The following MTOR variants were observed in gnomAD, a reference collection of about 807,000 sequenced individuals.
MTOR encodes the protein mechanistic target of rapamycin kinase.
In MTOR, 70 loss-of-function variants were observed where a neutral mutation model predicts 319.8. The observed-to-expected ratio is 0.22, with a 90% CI of 0.18 to 0.27. The LOEUF (loss-of-function observed/expected upper bound fraction) is 0.27. Among genes scored for constraint, MTOR ranks in the 10% least tolerant of loss-of-function variants. The probability of loss-of-function intolerance (pLI) is 1.00; values close to 1 mark genes in which losing one functional copy is unlikely to be tolerated. For missense variants in MTOR, 1,890 were observed against 3,274.4 expected, an observed-to-expected ratio of 0.58 and a Z score of 10.32; for synonymous variants, 1,183 against 1,211.4, an observed-to-expected ratio of 0.98 and a Z score of 0.49.
intron 28 of MTOR, among the ~76,000 whole-genome samples, chr1:11,190,380 G>A (rs1241450741): frequency 1.3e-5 from 2 of 152,182 alleles, no homozygotes; most frequent in Non-Finnish European, 2.9e-5. Flanking sequence ...GTTCTCTGGT[G>A]TTCCTAAGAT....
intron 15 of MTOR, 71 bp downstream of exon 15, chr1:11,233,326 AT>A (rs570781106): frequency 5.8e-6 from 8 of 1,390,752 alleles, no homozygotes; most frequent in Non-Finnish European, 8.0e-6. Context: ...AAAAAATAGT[AT>A]TTTGACTTCC....
intron 19 of MTOR, among the ~76,000 whole-genome samples, chr1:11,226,690 T>C (rs930076180): frequency 6.6e-6 from 1 of 151,562 alleles, no homozygotes. Context: ...GGGAGGATTA[T>C]TTGAGCCCAG....
chr1:11,109,691 T>C lies in MTOR; in HGVS notation c.7405A>G (p.Lys2469Glu). The C allele has an allele frequency of 6.2e-7, 1 of 1,614,182 alleles. No individual in the cohort carries two copies. Among genetic ancestry groups the C allele is most frequent in the Non-Finnish European group, 8.5e-7 (1 of 1,180,022 alleles). ...TCTGGCACTGTGGTCCCCGTTTTCTTATGGGCTGGCTCTCCAAGTTCCACA... is the reference window on the plus strand; with the variant it reads ...TCTGGCACTGTGGTCCCCGTTTTCTCATGGGCTGGCTCTCCAAGTTCCACA... The part of the protein sequence containing the change: ...DGVELGEPAH[K>E]KTGTTVPESI... Residue 2469 changes from lysine to glutamate, a missense_variant, in exon 55 of 58, where the codon AAG becomes GAG. Coordinates refer to ENST00000361445, the MANE Select transcript of MTOR (RefSeq NM_004958.4). This position sits in a 1 kb window ranked among gnomAD's most constrained non-coding sequence, Gnocchi z 4.0.
chr1:11,234,077 T>C, intron 14 of MTOR, 66 bp downstream of exon 14: 1 of 1,609,954 alleles, frequency 6.2e-7, no homozygotes, highest in Non-Finnish European at 8.5e-7. Context: ...ACTGAAACAC[T>C]CCCATCTCCC....
At chr1:11,122,502 ATTTTTTTTTTT>A (rs35016135) in intron 47 of MTOR, among the ~76,000 whole-genome samples, 1 of 78,732 alleles carries the variant, frequency 1.3e-5, no homozygotes, top group Admixed American at 1.5e-4. Flanking sequence ...ACCCAGCCCT[ATTTTTTTTTTT>A]TTTTTTTTTT....
At chr1:11,226,242 T>C (rs953917253) in intron 19 of MTOR, 3 of 152,190 alleles carry the variant, frequency 2.0e-5, no homozygotes, top group Non-Finnish European at 4.4e-5. Flanking sequence ...TTGACCTTTA[T>C]AAAGCTATCT....
At chr1:11,236,820 G>A (rs1191816451) in intron 13 of MTOR, among the ~76,000 whole-genome samples, 1 of 152,014 alleles carries the variant, frequency 6.6e-6, no homozygotes, top group Non-Finnish European at 1.5e-5. Context: ...CTTCAACAAT[G>A]ATTTCTATTC....
At chr1:11,117,783 A>G (rs1323617155) in intron 49 of MTOR, among the ~76,000 whole-genome samples, 1 of 152,126 alleles carries the variant, frequency 6.6e-6, no homozygotes, top group African/African-American at 2.4e-5. Context: ...AAGGACACGT[A>G]GAATTTAGTG....
intron 28 of MTOR, chr1:11,192,221 A>G: frequency 7.2e-7 from 1 of 1,383,402 alleles, no homozygotes; most frequent in Non-Finnish European, 1.0e-6. Context: ...CTCAACTCAG[A>G]TGGAGCCACT....
Position 11,199,741 on chromosome 1 carries a change from G to A in MTOR, c.3945-38C>T, listed in dbSNP as rs767323796. 8.1e-6 allele frequency: 13 copies of A among 1,607,688 alleles called. No individual in the cohort carries two copies. The highest frequency in any genetic ancestry group is 4.0e-5 in the African/African-American group (3 of 74,794). ...AAGGTGGAAAATGGAGAGACCTCCCGTGCCTCTGCCTGCTGCCTCAAAGTC... is the reference window on the plus strand; with the variant it reads ...AAGGTGGAAAATGGAGAGACCTCCCATGCCTCTGCCTGCTGCCTCAAAGTC... On this transcript the variant is annotated intron_variant, in intron 26 of 57. Coordinates refer to ENST00000361445, the MANE Select transcript of MTOR (RefSeq NM_004958.4). This position sits in a 1 kb window ranked among gnomAD's most constrained non-coding sequence, Gnocchi z 4.5.
chr1:11,141,078 C>T (rs1056374284), intron 34 of MTOR, among the ~76,000 whole-genome samples: 2 of 150,262 alleles, frequency 1.3e-5, no homozygotes, highest in Admixed American at 6.6e-5. Flanking sequence ...AAAAAGTATA[C>T]ACAGAAGGGG....
chr1:11,127,490 G>C lies in MTOR; in HGVS notation c.6216+134C>G. On this transcript the variant is annotated intron_variant, in intron 44 of 57. Coordinates refer to ENST00000361445, the MANE Select transcript of MTOR (RefSeq NM_004958.4). The surrounding 1 kb of genome is among the most constrained non-coding windows in gnomAD (Gnocchi z 5.5). ...TCGTTTTATTAAAGTCAGTGGAAAG[G>C]CCAGAGGAAAAGAAATCTGACAAAG... 1.9e-6 allele frequency: 2 copies of C among 1,071,550 alleles called. No homozygotes were observed. Among genetic ancestry groups the C allele is most frequent in the Non-Finnish European group, 2.6e-6 (2 of 759,596 alleles). 66.4% of individuals were successfully genotyped at this position (1,071,550 alleles called of 1,614,324 possible).
At chr1:11,227,653 C>T (rs1004490289) in intron 19 of MTOR, among the ~76,000 whole-genome samples, 1 of 145,786 alleles carries the variant, frequency 6.9e-6, no homozygotes, top group African/African-American at 2.6e-5. Flanking sequence ...AAGAAAGACA[C>T]AAGAAACAGC....
chr1:11,219,852 T>C (rs1434047690), intron 19 of MTOR, among the ~76,000 whole-genome samples: 1 of 151,620 alleles, frequency 6.6e-6, no homozygotes, highest in African/African-American at 2.4e-5. Flanking sequence ...GGTAAAACCC[T>C]GTCTCTATTG....
At chr1:11,254,140 C>G (rs1650054084) in intron 5 of MTOR, among the ~76,000 whole-genome samples, 167 bp from the exon 6 acceptor site, 1 of 151,992 alleles carries the variant, frequency 6.6e-6, no homozygotes, top group Non-Finnish European at 1.5e-5. Context: ...TTTAATTCAG[C>G]TTCAATTTTT....
chr1:11,215,324 G>A (rs531206510), intron 20 of MTOR, among the ~76,000 whole-genome samples: 4 of 152,252 alleles, frequency 2.6e-5, no homozygotes, highest in African/African-American at 4.8e-5. Context: ...GTAAGAGTCA[G>A]GGAATAGAGC....
chr1:11,233,360 C>T (rs750474564), intron 15 of MTOR, 38 bp downstream of exon 15: 1 of 1,575,984 alleles, frequency 6.3e-7, no homozygotes. Flanking sequence ...TTCTTTTCCA[C>T]CCTATCTCCG....
intron 53 of MTOR, 84 bp downstream of exon 53, chr1:11,114,234 A>C: frequency 6.4e-7 from 1 of 1,556,806 alleles, no homozygotes; most frequent in Non-Finnish European, 8.7e-7. Context: ...GCCTCAAGCA[A>C]CTCCTCTGCC....
intron 6 of MTOR, among the ~76,000 whole-genome samples, chr1:11,253,123 C>T (rs529725939): frequency 6.6e-6 from 1 of 152,050 alleles, no homozygotes; most frequent in Non-Finnish European, 1.5e-5. Context: ...CACTTCTATC[C>T]GAATTTTACC....
Sources: gnomAD v4.1 joint callset for allele counts (sites outside exome capture counted in the v4.1 genomes callset) on GRCh38, gnomAD v4.1.1 for gene constraint, Gnocchi (gnomAD v3.1) non-coding constraint, MANE v1.5 for transcripts, NCBI Gene and HGNC (gene_info 2026-07-23, HGNC 2026-07-21) for gene names.